MUC13: variants seen among roughly 807,000 people sequenced by gnomAD.
The protein encoded by MUC13 is mucin 13, cell surface associated.
Under a neutral mutation model 48.3 loss-of-function variants are expected in MUC13, and 32 were observed. The ratio of observed to expected loss-of-function variants is 0.66; its 90% CI spans 0.50 to 0.89. The LOEUF (loss-of-function observed/expected upper bound fraction) is 0.89, where lower values mean the gene tolerates loss of function less well. MUC13 is among the 40% of genes least tolerant of loss of function. MUC13 has a pLI of 0.00. For missense variants in MUC13, 571 were observed against 622.8 expected (o/e 0.92, Z 0.88); for synonymous variants, 199 against 224.9 (o/e 0.88, Z 1.03).
intron 1 of MUC13, among the ~76,000 whole-genome samples, chr3:124,933,235 C>T (rs919202205): frequency 3.1e-4 from 47 of 152,158 alleles, no homozygotes; most frequent in African/African-American, 1.1e-3. Context: ...CATACATCTG[C>T]CTTATCAAAT....
chr3:124,910,950 C>T (rs186152152), intron 9 of MUC13, among the ~76,000 whole-genome samples: 2 of 152,252 alleles, frequency 1.3e-5, no homozygotes, highest in East Asian at 1.9e-4. Context: ...AGAGTCTAGA[C>T]GTTCATTATC....
At chr3:124,925,899 G>A (rs940451820) in intron 2 of MUC13, among the ~76,000 whole-genome samples, 5 of 152,176 alleles carry the variant, frequency 3.3e-5, no homozygotes, top group Non-Finnish European at 7.3e-5. Context: ...ACAGGCGTGA[G>A]CCACCATGCT....
At chr3:124,931,145 T>A (rs1935787282) in intron 1 of MUC13, among the ~76,000 whole-genome samples, 1 of 152,080 alleles carries the variant, frequency 6.6e-6, no homozygotes, top group Admixed American at 6.5e-5. Context: ...TTTTTAAAAA[T>A]TTTCAGGCCA....
chr3:124,915,553 A>G (rs542804256), intron 6 of MUC13, among the ~76,000 whole-genome samples: 39 of 152,318 alleles, frequency 2.6e-4, no homozygotes, highest in South Asian at 6.2e-4. Flanking sequence ...TATCCACTTG[A>G]GCCCAGCTCA....
chr3:124,914,284 C>T (rs928027797), intron 6 of MUC13, among the ~76,000 whole-genome samples: 1 of 152,034 alleles, frequency 6.6e-6, no homozygotes, highest in East Asian at 1.9e-4. Flanking sequence ...GTGGCATGTG[C>T]CTGTAATATC....
chr3:124,926,728 C>A (rs1123830), intron 2 of MUC13, among the ~76,000 whole-genome samples: 84,457 of 151,974 alleles, frequency 0.56, 23,548 homozygotes, highest in East Asian at 0.75. Flanking sequence ...CAAGGGCTGG[C>A]AAACTATGGT....
intron 10 of MUC13, 112 bp downstream of exon 10, chr3:124,910,303 G>A (rs1332438579): frequency 1.4e-6 from 2 of 1,436,742 alleles, no homozygotes; most frequent in Non-Finnish European, 1.9e-6. Flanking sequence ...GGAGGCCAAG[G>A]TGGGAGGATG....
At chr3:124,919,282 A>C (rs1935554447) in intron 5 of MUC13, among the ~76,000 whole-genome samples, 1 of 148,316 alleles carries the variant, frequency 6.7e-6, no homozygotes, top group South Asian at 2.2e-4. Context: ...GGTTGCAGTG[A>C]GCTGATATCA....
chr3:124,923,000 G>A (rs566393991), intron 3 of MUC13, among the ~76,000 whole-genome samples: 1 of 151,518 alleles, frequency 6.6e-6, no homozygotes, highest in Admixed American at 6.6e-5. Context: ...AGCATTTGGG[G>A]GCCTTTTGGT....
chr3:124,920,187 T>C (rs569889243), intron 5 of MUC13, 47 bp downstream of exon 5: 17 of 1,523,428 alleles, frequency 1.1e-5, no homozygotes. Flanking sequence ...AGCTCGGAAG[T>C]TAGACAGACA....
rs151162670 is a variant in MUC13, at chr3:124,922,212, A to C, written c.729T>G (p.Ser243Arg). ...AAATACTTACCAAGCTAGTAATTTC[A>C]CTATGCAAGTCTTGATAGGCCATGG... ...KHSMAYQDLH[S>R]EITSLFKDVF... The change falls in exon 4 of 12, where the codon AGT becomes AGG. Residue 243 changes from serine to arginine, a missense_variant. By Grantham distance (110) the Ser-to-Arg change is moderately radical. Transcript: ENST00000616727. 174 of 1,613,856 alleles carry C rather than the reference A, an allele frequency of 1.1e-4. No individual in the cohort carries two copies. The highest frequency in any genetic ancestry group is 1.4e-4 in the Non-Finnish European group (168 of 1,179,990).
intron 2 of MUC13, among the ~76,000 whole-genome samples, chr3:124,926,892 A>T (rs1397645838): frequency 6.6e-6 from 1 of 152,224 alleles, no homozygotes; most frequent in African/African-American, 2.4e-5. Flanking sequence ...TTATAGGCTG[A>T]GCTTGGGGAA....
chr3:124,924,585 A>C (rs1039148721), intron 2 of MUC13, among the ~76,000 whole-genome samples: 3 of 152,198 alleles, frequency 2.0e-5, no homozygotes, highest in Non-Finnish European at 4.4e-5. Context: ...CTCTTTTGTG[A>C]ATAAAAGAAG....
At position 124,927,691 on chromosome 3, in the gene MUC13, C is replaced by T. The variant is rs1165446716; in HGVS notation, c.355G>A (p.Asp119Asn). 1.9e-6 allele frequency: 3 copies of T among 1,614,170 alleles called. No individual in the cohort carries two copies. Reference protein sequence around the residue: ...TTNVNSLATSDIITASSPNDG... With the variant: ...TTNVNSLATSNIITASSPNDG... ...TTTGGAGATGAAGCGGTGATTATGT[C>T]AGAGGTAGCTAATGAATTTACATTT... Residue 119 changes from aspartate (D) to asparagine (N), a missense_variant, in exon 2 of 12, where the codon GAC (aspartate) becomes AAC (asparagine). Coordinates refer to ENST00000616727, the MANE Select transcript of MUC13 (RefSeq NM_033049.4).
At chr3:124,925,673 A>C (rs1396004302) in intron 2 of MUC13, among the ~76,000 whole-genome samples, 2 of 152,216 alleles carry the variant, frequency 1.3e-5, no homozygotes, top group Admixed American at 1.3e-4. Flanking sequence ...GAGTGCACTG[A>C]CACAATCTTG....
At chr3:124,914,867 G>C (rs753427977) in intron 6 of MUC13, among the ~76,000 whole-genome samples, 9 of 152,062 alleles carry the variant, frequency 5.9e-5, no homozygotes, top group Non-Finnish European at 4.4e-5. Flanking sequence ...TGGAGGTTGT[G>C]GTGAGCCAAG....
chr3:124,922,059 C>A, intron 4 of MUC13, 138 bp downstream of exon 4: 1 of 998,086 alleles, frequency 1.0e-6, no homozygotes, highest in Non-Finnish European at 1.4e-6. Context: ...GTTTACCGAC[C>A]AGTAAAGGTA....
intron 5 of MUC13, among the ~76,000 whole-genome samples, chr3:124,917,911 G>T (rs1379023535): frequency 6.6e-6 from 1 of 152,144 alleles, no homozygotes; most frequent in Non-Finnish European, 1.5e-5. Context: ...TTCATTAAAA[G>T]AATCTACCAG....
At chr3:124,928,072 C>T in intron 1 of MUC13, 79 bp from the exon 2 acceptor site, 1 of 1,005,120 alleles carries the variant, frequency 9.9e-7, no homozygotes, top group Non-Finnish European at 1.4e-6. Flanking sequence ...TAAATCATAT[C>T]CAACTCATTC....
Sources: gnomAD v4.1 joint callset for allele counts (sites outside exome capture counted in the v4.1 genomes callset) on GRCh38, gnomAD v4.1.1 for gene constraint, MANE v1.5 for transcripts, NCBI Gene and HGNC (gene_info 2026-07-23, HGNC 2026-07-21) for gene names.